The following CSF1 variants were observed in gnomAD, a reference collection of about 807,000 sequenced individuals.
CSF1 encodes colony stimulating factor 1, also known as macrophage colony-stimulating factor 1.
A neutral mutation model predicts 48.9 loss-of-function variants in CSF1; 9 were observed. That is an observed-to-expected ratio of 0.18 (90% CI 0.11 to 0.32). The LOEUF (loss-of-function observed/expected upper bound fraction) is 0.32, where lower values mean the gene tolerates loss of function less well. Ranked by LOEUF, CSF1 falls within the 10% of genes least tolerant of loss-of-function variation. CSF1 has a pLI of 1.00. For synonymous variants in CSF1, 305 were observed against 284.1 expected (o/e 1.07, Z -0.74); for missense variants, 672 against 697.9 (o/e 0.96, Z 0.42).
At chr1:109,915,793 G>T in intron 3 of CSF1, 97 bp downstream of exon 3, 2 of 1,031,256 alleles carry the variant, frequency 1.9e-6, no homozygotes, top group South Asian at 1.3e-5. Context: ...AATGCCTACT[G>T]CTGGAAAGGG....
intron 2 of CSF1, 142 bp from the exon 3 acceptor site, chr1:109,915,492 C>G (rs1654860367): frequency 1.5e-6 from 1 of 687,216 alleles, no homozygotes; most frequent in East Asian, 2.7e-5. Context: ...CTAGACTTGA[C>G]TCTGTCTTTC....
rs1647988399 is a variant in CSF1 at position 109,929,652 on chromosome 1, C to T, written c.*814C>T. 1 of 153,436 alleles carries T rather than the reference C, an allele frequency of 6.5e-6. No homozygotes were observed. Among genetic ancestry groups the T allele is most frequent in the Non-Finnish European group, 1.5e-5 (1 of 68,718 alleles). The allele number at this position is 153,436 out of a possible 1,614,324, so 9.5% of individuals were successfully genotyped here. A position where few individuals can be genotyped will look rare whatever the true frequency, so the allele number is the denominator to read the frequency against. ...GAAGGAAGCCATTGCACTGTGAACA[C>T]TGTACCTGCCTGCTGAACAGCCTGC... is the stretch of plus-strand genomic sequence containing the variant. On this transcript the variant is annotated 3_prime_UTR_variant, in exon 9 of 9. Transcript: ENST00000329608.
intron 2 of CSF1, among the ~76,000 whole-genome samples, chr1:109,915,381 A>G (rs1245275005): frequency 4.6e-5 from 7 of 152,204 alleles, no homozygotes; most frequent in African/African-American, 1.4e-4. Flanking sequence ...CCTTAAAACA[A>G]ATGGGCATTT....
At chr1:109,913,782 G>A (rs1654783747) in intron 1 of CSF1, among the ~76,000 whole-genome samples, 1 of 152,234 alleles carries the variant, frequency 6.6e-6, no homozygotes, top group African/African-American at 2.4e-5. Context: ...GAACCAGGTG[G>A]GAGGAAATGC....
At chr1:109,917,584 C>G (rs1032367046) in intron 4 of CSF1, 121 bp downstream of exon 4, 14 of 1,020,540 alleles carry the variant, frequency 1.4e-5, no homozygotes, top group Non-Finnish European at 1.9e-5. Context: ...CTTGCTCACT[C>G]TCATTTATTT....
chr1:109,925,081 T>A, intron 7 of CSF1, 66 bp from the exon 8 acceptor site: 1 of 1,450,190 alleles, frequency 6.9e-7, no homozygotes. Flanking sequence ...AGGGGTAAAC[T>A]TACGGAGTCC....
chr1:109,912,851 C>T (rs1041364621), intron 1 of CSF1, among the ~76,000 whole-genome samples: 2 of 152,158 alleles, frequency 1.3e-5, no homozygotes, highest in Non-Finnish European at 2.9e-5. Flanking sequence ...GCCTGAAGTC[C>T]CCCCAGCCCC....
intron 8 of CSF1, 52 bp downstream of exon 8, chr1:109,925,254 C>G: frequency 6.7e-7 from 1 of 1,488,918 alleles, no homozygotes; most frequent in Non-Finnish European, 9.4e-7. Context: ...TACCCTTTTC[C>G]AGTCACGTTC....
chr1:109,918,047 C>G (rs75560763), intron 4 of CSF1, among the ~76,000 whole-genome samples: 222 of 152,200 alleles, frequency 1.5e-3, no homozygotes, highest in Admixed American at 3.9e-3. Context: ...CTGAAGGGCT[C>G]AAGGAGAGCA....
At chr1:109,926,919 A>G (rs1468203952) in intron 8 of CSF1, among the ~76,000 whole-genome samples, 1 of 152,286 alleles carries the variant, frequency 6.6e-6, no homozygotes, top group Non-Finnish European at 1.5e-5. Flanking sequence ...CAAACATGCA[A>G]TAAATGTTGA....
At chr1:109,919,527 C>T (rs762457705) in intron 4 of CSF1, among the ~76,000 whole-genome samples, 3 of 152,136 alleles carry the variant, frequency 2.0e-5, no homozygotes, top group Non-Finnish European at 4.4e-5. Flanking sequence ...CTGTGCCTGG[C>T]CAGGAAAACA....
At chr1:109,924,249 C>G (rs886224538) in intron 6 of CSF1, 59 bp downstream of exon 6, 2 of 1,457,988 alleles carry the variant, frequency 1.4e-6, no homozygotes, top group Admixed American at 2.3e-5. Context: ...CAGAGCCTGG[C>G]GGGGGTGCAG....
intron 1 of CSF1, 148 bp downstream of exon 1, chr1:109,911,210 G>C: frequency 7.7e-6 from 3 of 390,098 alleles, no homozygotes; most frequent in Non-Finnish European, 1.1e-5. Flanking sequence ...CCGCCTTTGC[G>C]CACGGACTGG....
chr1:109,914,929 G>GT (rs1357900864), intron 2 of CSF1, among the ~76,000 whole-genome samples: 1 of 152,268 alleles, frequency 6.6e-6, no homozygotes, highest in Non-Finnish European at 1.5e-5. Context: ...GAAGGAGCCT[G>GT]TATCTCATTC....
chr1:109,924,719 C>T, intron 6 of CSF1, 57 bp from the exon 7 acceptor site: 1 of 1,499,872 alleles, frequency 6.7e-7, no homozygotes, highest in Non-Finnish European at 9.1e-7. Flanking sequence ...TGGGGATGGG[C>T]CACCGCCCCC....
chr1:109,914,723 G>C (rs540916672), intron 2 of CSF1, among the ~76,000 whole-genome samples: 1 of 152,306 alleles, frequency 6.6e-6, no homozygotes, highest in Admixed American at 6.5e-5. Flanking sequence ...GCCTCCTCTG[G>C]GAAGCTAGCC....
chr1:109,915,166 G>C (rs1654844069), intron 2 of CSF1, among the ~76,000 whole-genome samples: 1 of 152,208 alleles, frequency 6.6e-6, no homozygotes, highest in Non-Finnish European at 1.5e-5. Flanking sequence ...ATCCAAGGTA[G>C]ACCAAGAGCC....
At chr1:109,918,212 T>C (rs1484794819) in intron 4 of CSF1, among the ~76,000 whole-genome samples, 1 of 152,124 alleles carries the variant, frequency 6.6e-6, no homozygotes, top group African/African-American at 2.4e-5. Flanking sequence ...CACAAAGCCC[T>C]AAGGTAAACA....
rs1009477181 is a variant in CSF1, at chr1:109,922,107, C to T, written c.544+113C>T. On this transcript the variant is annotated intron_variant, in intron 5 of 8. Transcript: ENST00000329608. ...CTGGGGAGGCAGCCTGGCTGCTACT[C>T]GTGTTCCCGTGTGCATGAATGTGCT... 4.4e-5 allele frequency: 54 copies of T among 1,230,288 alleles called. 1 individual carries two copies. The South Asian group carries it at 4.5e-4, about 10-fold the overall frequency. The allele number at this position is 1,230,288 out of a possible 1,614,324, so 76.2% of individuals were successfully genotyped here.
Sources: allele counts gnomAD v4.1 joint callset (sites outside exome capture counted in the v4.1 genomes callset), GRCh38; gene constraint gnomAD v4.1.1; transcripts MANE v1.5; gene names NCBI Gene and HGNC (gene_info 2026-07-23, HGNC 2026-07-21).